SPDL1: variants seen among roughly 807,000 people sequenced by gnomAD.
SPDL1 encodes the protein protein Spindly.
Under a neutral mutation model 79.5 loss-of-function variants are expected in SPDL1, and 85 were observed. That is an observed-to-expected ratio of 1.07 (90% CI 0.90 to 1.28). The LOEUF is 1.28. Ranked by LOEUF, SPDL1 falls within the 50% of genes most tolerant of loss-of-function variation. The pLI is 0.00. For missense variants in SPDL1, 703 were observed against 697.8 expected, an observed-to-expected ratio of 1.01 and a Z score of -0.08; for synonymous variants, 269 against 240.3, an observed-to-expected ratio of 1.12 and a Z score of -1.10.
At chr5:169,588,627 T>G in intron 2 of SPDL1, 52 bp downstream of exon 2, 1 of 1,508,066 alleles carries the variant, frequency 6.6e-7, no homozygotes, top group South Asian at 1.3e-5. Flanking sequence ...TATTGAAGAT[T>G]TGTCCTGTTT....
At chr5:169,585,204 C>G (rs903123824) in intron 1 of SPDL1, among the ~76,000 whole-genome samples, 3 of 152,120 alleles carry the variant, frequency 2.0e-5, no homozygotes, top group Admixed American at 2.0e-4. Context: ...CTACGCGCTG[C>G]CCCCCAGATT....
intron 2 of SPDL1, among the ~76,000 whole-genome samples, chr5:169,590,282 G>A (rs982124614): frequency 1.3e-5 from 2 of 152,158 alleles, no homozygotes; most frequent in African/African-American, 4.8e-5. Flanking sequence ...CAAGAACTGA[G>A]TGCAAAGTCA....
chr5:169,593,357 G>A lies in SPDL1; in HGVS notation c.340G>A (p.Glu114Lys). The A allele has an allele frequency of 6.3e-7, 1 of 1,577,644 alleles. No individual in the cohort carries two copies. The highest frequency in any genetic ancestry group is 8.6e-7 in the Non-Finnish European group (1 of 1,168,100). Residue 114 changes from glutamate to lysine, a missense_variant, in exon 4 of 12, where the codon GAA (glutamate) becomes AAA (lysine). Glu to Lys is a moderately conservative substitution (Grantham distance 56). Coordinates refer to ENST00000265295, the MANE Select transcript of SPDL1 (RefSeq NM_017785.5). ...ACTTTTTTTTTTTTGGCTTTAGATA[G>A]AAAAACTGAAAGTGGAATTAGATGA... is the stretch of plus-strand genomic sequence containing the variant. ...QEVNELKTKI[E>K]KLKVELDEAR...
At chr5:169,590,304 T>C (rs1018932080) in intron 2 of SPDL1, among the ~76,000 whole-genome samples, 1 of 152,212 alleles carries the variant, frequency 6.6e-6, no homozygotes, top group African/African-American at 2.4e-5. Flanking sequence ...AAAGGCAAAG[T>C]AAAGATTACA....
At position 169,604,467 on chromosome 5, in the gene SPDL1, C is replaced by G. The variant is rs1021698067; in HGVS notation, c.*260C>G. On this transcript the variant is annotated 3_prime_UTR_variant, in exon 12 of 12. Transcript: ENST00000265295. ...AAGGAAAATGTTATAATTAATGTAT[C>G]TATTTGCTGCATTGTATATGGATTA... 2.7e-5 allele frequency: 6 copies of G among 226,414 alleles called. No homozygotes were observed. Among genetic ancestry groups the G allele is most frequent in the Admixed American group, 1.7e-4 (3 of 17,622 alleles). The allele number at this position is 226,414 out of a possible 1,614,324, so 14.0% of individuals were successfully genotyped here. A position where few individuals can be genotyped will look rare whatever the true frequency, so the allele number is the denominator to read the frequency against.
rs1294901087 is a variant in SPDL1, at chr5:169,599,212, A to G, written c.1324+53A>G. 4.3e-6 allele frequency: 5 copies of G among 1,153,824 alleles called. No individual in the cohort carries two copies. In the Admixed American group the frequency reaches 8.2e-5, roughly 19 times the overall value. 71.5% of individuals were successfully genotyped at this position (1,153,824 alleles called of 1,614,324 possible). On this transcript the variant is annotated intron_variant, in intron 10 of 11. Transcript: ENST00000265295. ...TTTAAATTATGAGTAACCTGAAATTATATCAAATTATTTTCTTACTGTAGT... is the reference window on the plus strand; with the variant it reads ...TTTAAATTATGAGTAACCTGAAATTGTATCAAATTATTTTCTTACTGTAGT...
At position 169,591,214 on chromosome 5, in the gene SPDL1, T is replaced by G; in HGVS notation, c.326T>G (p.Leu109Arg). 1 of 1,612,640 alleles carries G rather than the reference T, an allele frequency of 6.2e-7. No homozygotes were observed. The highest frequency in any genetic ancestry group is 8.5e-7 in the Non-Finnish European group (1 of 1,179,540). The change falls in exon 3 of 12, where the codon CTA (leucine) becomes CGA (arginine). Residue 109 changes from leucine to arginine, a missense_variant. Coordinates refer to ENST00000265295, the MANE Select transcript of SPDL1 (RefSeq NM_017785.5). ...SRSHGQEVNELKTKIEKLKVE... is the reference protein window; with the variant it reads ...SRSHGQEVNERKTKIEKLKVE... ...AGCCATGGACAGGAAGTGAATGAAC[T>G]AAAAACTAAGGTTGGGATATCTGCG... is the stretch of plus-strand genomic sequence containing the variant.
rs771928503 is a variant in SPDL1 at position 169,604,212 on chromosome 5, TTG to T, written c.*7_*8del. On this transcript the variant is annotated 3_prime_UTR_variant, in exon 12 of 12. Coordinates refer to ENST00000265295, the MANE Select transcript of SPDL1 (RefSeq NM_017785.5). ...ACCCAGTGCCCTCAACAGTAAAGACTTGTCTTTAATAAGAGTACGGTGCCACT... is the reference window on the plus strand; with the variant it reads ...ACCCAGTGCCCTCAACAGTAAAGACTTCTTTAATAAGAGTACGGTGCCACT... 14 of 1,572,520 alleles carry T rather than the reference TTG, an allele frequency of 8.9e-6. No homozygotes were observed. The South Asian group carries it at 1.7e-4, about 19-fold the overall frequency.
intron 2 of SPDL1, chr5:169,590,663 G>A: frequency 2.2e-6 from 1 of 455,598 alleles, no homozygotes; most frequent in South Asian, 1.6e-5. Flanking sequence ...ACTACATTGT[G>A]TTCAGAGCTA....
intron 1 of SPDL1, among the ~76,000 whole-genome samples, chr5:169,585,272 A>G (rs1754933568): frequency 6.6e-6 from 1 of 152,190 alleles, no homozygotes; most frequent in South Asian, 2.1e-4. Flanking sequence ...TCTTGCACTT[A>G]TCATACTTGT....
At chr5:169,602,127 T>C (rs1581322733) in intron 11 of SPDL1, 2 of 172,346 alleles carry the variant, frequency 1.2e-5, no homozygotes, top group East Asian at 3.3e-4. Context: ...AGCTAACTCA[T>C]TTTCATTGTT....
In SPDL1 at chr5:169,604,162, T is replaced by C. The variant is rs774097938; in HGVS notation, c.1773T>C (p.Tyr591=). 1.2e-5 allele frequency: 19 copies of C among 1,610,604 alleles called. No homozygotes were observed. The East Asian group carries it at 4.0e-4, about 34-fold the overall frequency. Reference sequence around the variant, plus strand: ...GTAAGAAATTACACCCTATTCTATATGTGTCTTCTAAATCTACTCCAGAGA... The same window carrying C: ...GTAAGAAATTACACCCTATTCTATACGTGTCTTCTAAATCTACTCCAGAGA... The part of the protein sequence containing the change: ...ETCKKLHPIL[Y]VSSKSTPETQ... Residue 591 remains tyrosine, a synonymous_variant, in exon 12 of 12, where the codon TAT becomes TAC. Transcript: ENST00000265295.
At chr5:169,597,015 T>C (rs559415673) in intron 8 of SPDL1, among the ~76,000 whole-genome samples, 1 of 152,298 alleles carries the variant, frequency 6.6e-6, no homozygotes, top group South Asian at 2.1e-4. Flanking sequence ...GCCTCATGGA[T>C]TCTTATTTTA....
intron 1 of SPDL1, among the ~76,000 whole-genome samples, chr5:169,586,784 G>A (rs1160586943): frequency 6.6e-6 from 1 of 152,138 alleles, no homozygotes; most frequent in Non-Finnish European, 1.5e-5. Context: ...CCTAGTCTGA[G>A]CCATTTCACA....
intron 2 of SPDL1, chr5:169,590,773 G>T: frequency 2.0e-6 from 1 of 502,736 alleles, no homozygotes; most frequent in Non-Finnish European, 3.9e-6. Flanking sequence ...TTGACTTGAC[G>T]TGTTGACATA....
At chr5:169,593,927 T>C (rs1755436409) in intron 4 of SPDL1, among the ~76,000 whole-genome samples, 1 of 152,188 alleles carries the variant, frequency 6.6e-6, no homozygotes, top group African/African-American at 2.4e-5. Context: ...AAGCCTGAAA[T>C]TGATAGAGGA....
In SPDL1 at chr5:169,590,988, T is replaced by G. The variant is rs542105734; in HGVS notation, c.160-60T>G. 7.7e-5 allele frequency: 105 copies of G among 1,355,480 alleles called. 5 individuals are homozygous for G. In the South Asian group the frequency reaches 1.2e-3, roughly 15 times the overall value. The allele number at this position is 1,355,480 out of a possible 1,614,324, so 84.0% of individuals were successfully genotyped here. A position where few individuals can be genotyped will look rare whatever the true frequency, so the allele number is the denominator to read the frequency against. On this transcript the variant is annotated intron_variant, in intron 2 of 11. Transcript: ENST00000265295. ...GAAACAATTGAAGTTGAAAACTGAT[T>G]GTATGTAATGGCTTTAGGCTATTTT...
intron 1 of SPDL1, among the ~76,000 whole-genome samples, chr5:169,585,381 A>T (rs539892776): frequency 6.6e-6 from 1 of 152,362 alleles, no homozygotes; most frequent in East Asian, 1.9e-4. Context: ...TGTTGTCAAC[A>T]CTAGCACAAT....
chr5:169,587,434 A>T (rs1755045437), intron 1 of SPDL1: 1 of 152,234 alleles, frequency 6.6e-6, no homozygotes, highest in African/African-American at 2.4e-5. Flanking sequence ...AGTAAGGTTG[A>T]TTAAAGTGGA....
Sources: gnomAD v4.1 joint callset for allele counts (sites outside exome capture counted in the v4.1 genomes callset) on GRCh38, gnomAD v4.1.1 for gene constraint, MANE v1.5 for transcripts, NCBI Gene and HGNC (gene_info 2026-07-23, HGNC 2026-07-21) for gene names.